Variants in SCRG1 observed in about 807,000 individuals in gnomAD.
SCRG1 encodes the protein stimulator of chondrogenesis 1, also known as scrapie-responsive protein 1.
In SCRG1, 3 loss-of-function variants were observed where a neutral mutation model predicts 7.7. That is an observed-to-expected ratio of 0.39 (90% CI 0.18 to 1.01). The LOEUF (loss-of-function observed/expected upper bound fraction) is 1.01, where lower values mean the gene tolerates loss of function less well. Ranked by LOEUF, SCRG1 falls within the 50% of genes least tolerant of loss-of-function variation. The pLI, the probability that SCRG1 is intolerant of heterozygous loss-of-function variation, is 0.36. For missense variants in SCRG1, 110 were observed against 117.2 expected, an observed-to-expected ratio of 0.94 and a Z score of 0.28; for synonymous variants, 46 against 41.2, an observed-to-expected ratio of 1.12 and a Z score of -0.44.
the SCRG1 span, chr4:173,468,705 C>T: frequency 6.6e-6 from 1 of 152,088 alleles, no homozygotes; most frequent in Non-Finnish European, 1.5e-5. Flanking sequence ...AATTTTGCAC[C>T]ATGGAGAGTC....
At chr4:173,399,255 A>C (rs1385954312), upstream of SCRG1, 1 of 151,960 alleles carries the variant, frequency 6.6e-6, no homozygotes, top group East Asian at 1.9e-4. Context: ...TGTGGGGAGG[A>C]GGGGAGTGGA....
the SCRG1 span, among the ~76,000 whole-genome samples, chr4:173,432,697 T>C: frequency 2.0e-5 from 3 of 152,162 alleles, no homozygotes; most frequent in African/African-American, 7.2e-5. Context: ...AAACTAGTCA[T>C]AGTCCTAAAA....
the SCRG1 span, among the ~76,000 whole-genome samples, chr4:173,470,402 A>C: frequency 1.3e-5 from 2 of 152,166 alleles, no homozygotes; most frequent in East Asian, 3.9e-4. Context: ...AGACCGGCTC[A>C]CAGGTAACTG....
the SCRG1 span, among the ~76,000 whole-genome samples, chr4:173,502,825 A>G: frequency 6.6e-6 from 1 of 151,222 alleles, no homozygotes; most frequent in African/African-American, 2.4e-5. This position sits in a 1 kb window ranked among gnomAD's most constrained non-coding sequence, Gnocchi z 4.6. Flanking sequence ...TAAAGTTCCA[A>G]GCGTCTTCCA....
At chr4:173,456,912 T>A in the SCRG1 span, among the ~76,000 whole-genome samples, 1 of 152,288 alleles carries the variant, frequency 6.6e-6, no homozygotes, top group South Asian at 2.1e-4. Context: ...CCCTGACTCT[T>A]AGGGATTCTC....
the SCRG1 span, among the ~76,000 whole-genome samples, chr4:173,470,527 C>G: frequency 6.6e-6 from 1 of 152,142 alleles, no homozygotes; most frequent in East Asian, 1.9e-4. Flanking sequence ...AACGAAGACC[C>G]AAATTGGATC....
At chr4:173,417,638 C>CT in the SCRG1 span, among the ~76,000 whole-genome samples, 5 of 140,972 alleles carry the variant, frequency 3.5e-5, no homozygotes, top group Non-Finnish European at 3.1e-5. Context: ...TTCATTCCTT[C>CT]TTTTTTTTCA....
chr4:173,461,284 T>C, the SCRG1 span, among the ~76,000 whole-genome samples: 1 of 152,214 alleles, frequency 6.6e-6, no homozygotes, highest in Non-Finnish European at 1.5e-5. Context: ...CACTGTGGCC[T>C]CATTATGAGT....
the SCRG1 span, among the ~76,000 whole-genome samples, chr4:173,447,170 G>A: frequency 6.6e-6 from 1 of 152,150 alleles, no homozygotes; most frequent in East Asian, 1.9e-4. Context: ...AGCATGGCAG[G>A]GTTTTTGATG....
upstream of SCRG1, among the ~76,000 whole-genome samples, chr4:173,408,849 C>T (rs1332070515): frequency 2.6e-5 from 4 of 151,752 alleles, no homozygotes; most frequent in Admixed American, 2.0e-4. Flanking sequence ...AAAAATTAGC[C>T]GGATGTGGTG....
At chr4:173,453,253 C>T in the SCRG1 span, among the ~76,000 whole-genome samples, 6 of 152,196 alleles carry the variant, frequency 3.9e-5, no homozygotes, top group African/African-American at 1.4e-4. Context: ...TTAAGGCTAT[C>T]CCCTGTATAA....
At chr4:173,500,532 T>A in the SCRG1 span, among the ~76,000 whole-genome samples, 10 of 151,974 alleles carry the variant, frequency 6.6e-5, no homozygotes, top group East Asian at 1.9e-3. Context: ...GAAGCTGGAG[T>A]GCAGTGGCGC....
the SCRG1 span, among the ~76,000 whole-genome samples, chr4:173,481,291 T>G: frequency 6.6e-6 from 1 of 152,180 alleles, no homozygotes; most frequent in Admixed American, 6.6e-5. Context: ...TATCAGTGAA[T>G]GGTTTAAAGT....
chr4:173,470,582 C>A, the SCRG1 span, among the ~76,000 whole-genome samples: 1 of 152,190 alleles, frequency 6.6e-6, no homozygotes, highest in African/African-American at 2.4e-5. Context: ...AAGACATTTA[C>A]TTACTAAAAT....
the SCRG1 span, among the ~76,000 whole-genome samples, chr4:173,471,936 T>C: frequency 1.1e-4 from 17 of 152,188 alleles, no homozygotes; most frequent in African/African-American, 4.1e-4. Flanking sequence ...CTCGAGCTCC[T>C]GACCTCAGGT....
chr4:173,407,310 A>G (rs1454635925), upstream of SCRG1, among the ~76,000 whole-genome samples: 1 of 151,886 alleles, frequency 6.6e-6, no homozygotes, highest in East Asian at 1.9e-4. Context: ...TGAGGTCAGG[A>G]GTTTGAGACC....
the SCRG1 span, among the ~76,000 whole-genome samples, chr4:173,420,355 G>A: frequency 4.6e-5 from 7 of 152,188 alleles, no homozygotes; most frequent in Admixed American, 3.9e-4. Flanking sequence ...AAGAGGGAAA[G>A]GGTCTTGTGT....
At chr4:173,509,372 C>T in the SCRG1 span, among the ~76,000 whole-genome samples, 3 of 152,152 alleles carry the variant, frequency 2.0e-5, no homozygotes, top group Non-Finnish European at 4.4e-5. This position sits in a 1 kb window ranked among gnomAD's most constrained non-coding sequence, Gnocchi z 5.7. Context: ...GAGGCCTGAA[C>T]CTCGCGAGTA....
At chr4:173,480,164 C>T in the SCRG1 span, among the ~76,000 whole-genome samples, 3 of 152,086 alleles carry the variant, frequency 2.0e-5, no homozygotes, top group Non-Finnish European at 4.4e-5. Context: ...AGGAGATAGC[C>T]TCATCTATGA....
Sources: allele counts gnomAD v4.1 joint callset (sites outside exome capture counted in the v4.1 genomes callset), GRCh38; gene constraint gnomAD v4.1.1; non-coding constraint Gnocchi (gnomAD v3.1); transcripts MANE v1.5; gene names NCBI Gene and HGNC (gene_info 2026-07-23, HGNC 2026-07-21).